Variants in RAD54L2 observed in about 807,000 individuals in gnomAD.
RAD54L2 encodes RAD54 like 2.
A neutral mutation model predicts 138.4 loss-of-function variants in RAD54L2; 27 were observed. That is an observed-to-expected ratio of 0.20 (90% CI 0.14 to 0.27). The LOEUF is 0.27. RAD54L2 is among the 10% of genes least tolerant of loss of function. The pLI, the probability that RAD54L2 is intolerant of heterozygous loss-of-function variation, is 1.00. For synonymous variants in RAD54L2, 644 were observed against 723.2 expected, an observed-to-expected ratio of 0.89 and a Z score of 1.76; for missense variants, 1,396 against 1,890.2, an observed-to-expected ratio of 0.74 and a Z score of 4.85.
At chr3:51,564,789 A>C (rs1699175844) in intron 2 of RAD54L2, among the ~76,000 whole-genome samples, 1 of 152,202 alleles carries the variant, frequency 6.6e-6, no homozygotes, top group Non-Finnish European at 1.5e-5. Context: ...AAATTTTTAA[A>C]ATTAAAAAAA....
rs750218742 is a variant in RAD54L2, at chr3:51,641,708, C to CA, written c.2232-39dup. The stretch of plus-strand genomic sequence containing the variant: ...GGACCTATTGGGAACAATGTTCCCT[C>CA]AATTCTGGGAGCCATCTGAACGAAA... On this transcript the variant is annotated intron_variant, in intron 14 of 22. Coordinates refer to ENST00000684192, the MANE Select transcript of RAD54L2 (RefSeq NM_015106.4). 1.4e-5 allele frequency: 19 copies of CA among 1,354,542 alleles called. No homozygotes were observed. In the East Asian group the frequency reaches 2.5e-4, roughly 18 times the overall value. 83.9% of individuals were successfully genotyped at this position (1,354,542 alleles called of 1,614,324 possible). A position where few individuals can be genotyped will look rare whatever the true frequency, so the allele number is the denominator to read the frequency against.
chr3:51,615,975 T>G (rs560821008), intron 3 of RAD54L2, among the ~76,000 whole-genome samples: 16 of 152,286 alleles, frequency 1.1e-4, no homozygotes, highest in African/African-American at 3.8e-4. Flanking sequence ...TTTCTCTAAT[T>G]TCTTCTTTTT....
At chr3:51,562,852 C>A (rs777540131) in intron 2 of RAD54L2, among the ~76,000 whole-genome samples, 5 of 152,138 alleles carry the variant, frequency 3.3e-5, no homozygotes, top group Non-Finnish European at 5.9e-5. Context: ...GTTGCCCAGG[C>A]TGATCTCAAA....
At chr3:51,551,592 G>C (rs1310113002) in intron 2 of RAD54L2, among the ~76,000 whole-genome samples, 2 of 149,522 alleles carry the variant, frequency 1.3e-5, no homozygotes, top group Admixed American at 1.3e-4. Context: ...TGTGCCACAC[G>C]CCTGGCTAAT....
chr3:51,572,366 T>A (rs1011950790), intron 2 of RAD54L2, among the ~76,000 whole-genome samples: 2 of 149,832 alleles, frequency 1.3e-5, no homozygotes, highest in African/African-American at 4.9e-5. Context: ...GGCAGGAAAA[T>A]CGCTTGAACC....
chr3:51,621,689 G>C (rs1700573705), intron 3 of RAD54L2, among the ~76,000 whole-genome samples: 1 of 152,148 alleles, frequency 6.6e-6, no homozygotes, highest in African/African-American at 2.4e-5. Flanking sequence ...GCCTCCAACT[G>C]TTCCTCCAAG....
intron 2 of RAD54L2, among the ~76,000 whole-genome samples, chr3:51,586,223 A>G (rs1699704424): frequency 6.6e-6 from 1 of 151,400 alleles, no homozygotes; most frequent in African/African-American, 2.4e-5. Flanking sequence ...GGCTCAAGTG[A>G]TCCTCCTGCC....
intron 2 of RAD54L2, among the ~76,000 whole-genome samples, chr3:51,571,408 T>TA (rs1003780846): frequency 1.3e-5 from 2 of 150,288 alleles, no homozygotes; most frequent in Non-Finnish European, 3.0e-5. Context: ...TTTTTTTTTT[T>TA]AAAGACATAG....
chr3:51,652,738 G>A, intron 19 of RAD54L2, among the ~76,000 whole-genome samples: 1 of 152,172 alleles, frequency 6.6e-6, no homozygotes, highest in South Asian at 2.1e-4. Flanking sequence ...GTAGAAAGCT[G>A]AAACTGGATC....
Position 51,660,091 on chromosome 3 carries a change from C to T in RAD54L2, c.3382C>T (p.Pro1128Ser), listed in dbSNP as rs867724887. The change falls in exon 22 of 23, where the codon CCT becomes TCT. Residue 1128 changes from proline (P) to serine (S), a missense_variant. Physicochemically the swap from Pro to Ser is moderately conservative, Grantham distance 74. Coordinates refer to ENST00000684192, the MANE Select transcript of RAD54L2 (RefSeq NM_015106.4). ...AVRATGKPKVPEDGRMAASGS... is the reference protein window; with the variant it reads ...AVRATGKPKVSEDGRMAASGS... ...CCGGGCAACTGGCAAACCAAAGGTT[C>T]CTGAAGATGGTCGGATGGCTGCCTC... 4 of 1,601,076 alleles carry T rather than the reference C, an allele frequency of 2.5e-6. No homozygotes were observed. Among genetic ancestry groups the T allele is most frequent in the Non-Finnish European group, 3.4e-6 (4 of 1,169,260 alleles).
At chr3:51,629,112 C>T (rs903788229) in intron 4 of RAD54L2, among the ~76,000 whole-genome samples, 1 of 152,060 alleles carries the variant, frequency 6.6e-6, no homozygotes, top group Non-Finnish European at 1.5e-5. Context: ...GTTGGCAGGT[C>T]GGGGAGTTAA....
At chr3:51,552,740 T>C (rs1698870312) in intron 2 of RAD54L2, among the ~76,000 whole-genome samples, 1 of 151,718 alleles carries the variant, frequency 6.6e-6, no homozygotes, top group Non-Finnish European at 1.5e-5. Context: ...GTCCATTTTT[T>C]GTAGAGATGA....
intron 2 of RAD54L2, among the ~76,000 whole-genome samples, chr3:51,574,658 C>T (rs1699422896): frequency 6.6e-6 from 1 of 152,284 alleles, no homozygotes; most frequent in East Asian, 1.9e-4. Context: ...TGAGAAGTAT[C>T]TGTTCATATC....
Position 51,663,189 on chromosome 3 carries a change from G to A in RAD54L2, c.4173G>A (p.Leu1391=). Residue 1391 remains leucine, a synonymous_variant, in exon 23 of 23, where the codon CTG becomes CTA. Transcript: ENST00000684192. ...CACTCCCATTCTCACAGCCACTCCTGTCCGAGCCGAGGATGTTTGCGCCTT... is the reference window on the plus strand; with the variant it reads ...CACTCCCATTCTCACAGCCACTCCTATCCGAGCCGAGGATGTTTGCGCCTT... ...SYSLPFSQPL[L]SEPRMFAPFP... 1 of 1,613,956 alleles carries A rather than the reference G, an allele frequency of 6.2e-7. No individual in the cohort carries two copies. Among genetic ancestry groups the A allele is most frequent in the Non-Finnish European group, 8.5e-7 (1 of 1,179,878 alleles).
intron 4 of RAD54L2, 57 bp from the exon 5 acceptor site, chr3:51,629,277 A>AT: frequency 2.0e-6 from 3 of 1,528,638 alleles, no homozygotes; most frequent in Non-Finnish European, 2.7e-6. Context: ...TTAGCTTGCC[A>AT]TTACATTGCC....
At chr3:51,584,791 GTTC>G (rs958167603) in intron 2 of RAD54L2, among the ~76,000 whole-genome samples, 4 of 151,028 alleles carry the variant, frequency 2.6e-5, no homozygotes, top group Non-Finnish European at 4.4e-5. Context: ...TTTTCCTGCT[GTTC>G]TTTTTAAAAA....
chr3:51,632,291 G>A (rs1700865448), intron 7 of RAD54L2, among the ~76,000 whole-genome samples: 1 of 151,744 alleles, frequency 6.6e-6, no homozygotes, highest in Non-Finnish European at 1.5e-5. Context: ...AAACTCTTCT[G>A]TTGTTGTTGT....
chr3:51,579,850 A>G (rs569108270), intron 2 of RAD54L2, among the ~76,000 whole-genome samples: 1 of 152,334 alleles, frequency 6.6e-6, no homozygotes, highest in Non-Finnish European at 1.5e-5. Context: ...CAAGAAATCC[A>G]TCTTCAAACT....
At chr3:51,660,425 C>T (rs1701733545) in intron 22 of RAD54L2, among the ~76,000 whole-genome samples, 3 of 151,572 alleles carry the variant, frequency 2.0e-5, no homozygotes, top group Non-Finnish European at 4.4e-5. Flanking sequence ...TCTCCTGCCT[C>T]AGCCTCCCGA....
Sources: gnomAD v4.1 joint callset for allele counts (sites outside exome capture counted in the v4.1 genomes callset) on GRCh38, gnomAD v4.1.1 for gene constraint, MANE v1.5 for transcripts, NCBI Gene and HGNC (gene_info 2026-07-23, HGNC 2026-07-21) for gene names.